The following MYOF variants were observed in gnomAD, a reference collection of about 807,000 sequenced individuals.
The protein encoded by MYOF is myoferlin, also known as fer-1-like 3, myoferlin.
MYOF carries 244 observed loss-of-function variants against 284.2 expected under a neutral mutation model. That is an observed-to-expected ratio of 0.86 (90% confidence interval 0.77 to 0.95). The LOEUF (loss-of-function observed/expected upper bound fraction) is 0.95, where lower values mean the gene tolerates loss of function less well. Among genes scored for constraint, MYOF ranks in the 40% least tolerant of loss-of-function variants. The pLI is 0.00. For synonymous variants in MYOF, 904 were observed against 919.7 expected (o/e 0.98, Z 0.31); for missense variants, 2,496 against 2,560.6 (o/e 0.97, Z 0.54).
At chr10:93,380,281 T>C (rs1846053381) in intron 20 of MYOF, among the ~76,000 whole-genome samples, 1 of 152,172 alleles carries the variant, frequency 6.6e-6, no homozygotes, top group Admixed American at 6.5e-5. Flanking sequence ...TTTCTTAACG[T>C]GGTAGTAGAA....
intron 3 of MYOF, among the ~76,000 whole-genome samples, chr10:93,436,877 G>A (rs1368721604): frequency 6.6e-6 from 1 of 152,164 alleles, no homozygotes; most frequent in Admixed American, 6.5e-5. Context: ...ATTATAGTGT[G>A]ACAGTGAGGG....
chr10:93,384,476 C>T (rs1015648187), intron 19 of MYOF, among the ~76,000 whole-genome samples: 43 of 152,098 alleles, frequency 2.8e-4, no homozygotes, highest in Non-Finnish European at 1.3e-4. Flanking sequence ...AACTCTATCT[C>T]TACTAAAAAT....
At position 93,325,838 on chromosome 10, in the gene MYOF, G is replaced by T. The variant is rs1303933740; in HGVS notation, c.5259C>A (p.Pro1753=). 6.2e-7 allele frequency: 1 copy of T among 1,612,992 alleles called. No homozygotes were observed. Among genetic ancestry groups the T allele is most frequent in the Admixed American group, 1.7e-5 (1 of 59,764 alleles). Residue 1753 remains proline (P), a synonymous_variant, in exon 46 of 54, where the codon CCC becomes CCA. Transcript: ENST00000359263. ...ETRTLHSTFQ[P]NISQGKLQMW... ...GAAGGCCCTTTACCTGGGAAATGTT[G>T]GGCTGGAAGGTGCTGTGCAAAGTCC...
Position 93,482,166 on chromosome 10 carries a change from C to T in MYOF, c.29G>A (p.Ser10Asn). MLRVIVESASNIPKTKFGKP... is the reference protein window; with the variant it reads MLRVIVESANNIPKTKFGKP... Reference sequence around the variant, plus strand: ...GCCAAATTTCGTTTTAGGGATATTGCTGGCAGATTCCACAATCACTCGCAG... The same window carrying T: ...GCCAAATTTCGTTTTAGGGATATTGTTGGCAGATTCCACAATCACTCGCAG... The change falls in exon 1 of 54, where the codon AGC becomes AAC. Residue 10 changes from serine to asparagine, a missense_variant. Ser to Asn is a conservative substitution (Grantham distance 46). This residue lies in a region of MYOF where 57 missense variants were observed against 62.4 expected (regional missense o/e 0.91). Transcript: ENST00000359263. The T allele has an allele frequency of 6.2e-7, 1 of 1,614,070 alleles. No homozygotes were observed. The highest frequency in any genetic ancestry group is 1.1e-5 in the South Asian group (1 of 91,080).
At chr10:93,401,957 G>A (rs898272653) in intron 11 of MYOF, among the ~76,000 whole-genome samples, 1 of 152,164 alleles carries the variant, frequency 6.6e-6, no homozygotes, top group Non-Finnish European at 1.5e-5. Context: ...ATGCTTTCTA[G>A]ATAAAAGCAG....
intron 40 of MYOF, among the ~76,000 whole-genome samples, chr10:93,337,323 A>T (rs1031691141): frequency 4.1e-4 from 62 of 152,094 alleles, no homozygotes; most frequent in African/African-American, 1.4e-3. Context: ...AGAGCTAGTC[A>T]GCCGTGCCTA....
chr10:93,422,485 C>T (rs752303907), intron 5 of MYOF, among the ~76,000 whole-genome samples: 3 of 152,138 alleles, frequency 2.0e-5, no homozygotes, highest in East Asian at 1.9e-4. Context: ...GGGATTTTCT[C>T]GCCAGCAGGT....
intron 1 of MYOF, among the ~76,000 whole-genome samples, chr10:93,457,898 A>T (rs1430769072): frequency 6.9e-6 from 1 of 144,792 alleles, no homozygotes; most frequent in Non-Finnish European, 1.5e-5. Context: ...ACACCCAGCT[A>T]ATTTTTCTAT....
rs565902143 is a variant in MYOF, at chr10:93,468,425, C to T, written c.89-11488G>A. Reference sequence around the variant, plus strand: ...CATGCCCAAGACACAGGGGACATTACCAGGTGTTGGAATCAGAACTATCAA... The same window carrying T: ...CATGCCCAAGACACAGGGGACATTATCAGGTGTTGGAATCAGAACTATCAA... On this transcript the variant is annotated intron_variant, in intron 1 of 53. Transcript: ENST00000359263. 2.0e-5 allele frequency among the ~76,000 whole-genome samples: 3 copies of T among 152,332 alleles called. No homozygotes were observed. The South Asian group carries it at 6.2e-4, about 32-fold the overall frequency.
chr10:93,464,714 C>T (rs77479147), intron 1 of MYOF, among the ~76,000 whole-genome samples: 1 of 152,090 alleles, frequency 6.6e-6, no homozygotes, highest in Non-Finnish European at 1.5e-5. Context: ...ATGATGTGCC[C>T]CCCAAGTCCT....
At chr10:93,458,658 A>T (rs2134335064) in intron 1 of MYOF, among the ~76,000 whole-genome samples, 1 of 152,284 alleles carries the variant, frequency 6.6e-6, no homozygotes, top group East Asian at 1.9e-4. Flanking sequence ...TGAACCCAGG[A>T]GGCAGAGGTT....
intron 29 of MYOF, among the ~76,000 whole-genome samples, chr10:93,359,273 A>T (rs1564647450): frequency 1.3e-5 from 2 of 152,220 alleles, no homozygotes; most frequent in Admixed American, 1.3e-4. Context: ...CAGAACATAG[A>T]TGATGCATAC....
chr10:93,437,400 C>G (rs766825820), intron 3 of MYOF, among the ~76,000 whole-genome samples: 3 of 152,060 alleles, frequency 2.0e-5, no homozygotes, highest in African/African-American at 2.4e-5. Flanking sequence ...AGGGCTTTGC[C>G]GGCTGACTCT....
At chr10:93,471,104 C>T (rs1025595526) in intron 1 of MYOF, among the ~76,000 whole-genome samples, 1 of 152,034 alleles carries the variant, frequency 6.6e-6, no homozygotes, top group Non-Finnish European at 1.5e-5. Flanking sequence ...AAGTGGACCT[C>T]GCCCTGCCAG....
chr10:93,402,869 C>A lies in MYOF; in HGVS notation c.865G>T (p.Asp289Tyr). ...GGAGAACATTACTTACCAGGTTCAT[C>A]ATAAACAAATCCAACATCAATCTGG... ...EFKIDVGFVY[D>Y]EPGHAVMRKW... The change falls in exon 10 of 54, where the codon GAT becomes TAT. Residue 289 changes from aspartate to tyrosine, a missense_variant. By Grantham distance (160) the Asp-to-Tyr change is radical. Transcript: ENST00000359263. 6.2e-7 allele frequency: 1 copy of A among 1,611,692 alleles called. No homozygotes were observed. The highest frequency in any genetic ancestry group is 8.5e-7 in the Non-Finnish European group (1 of 1,178,040).
At chr10:93,430,066 A>G (rs1055172771) in intron 4 of MYOF, among the ~76,000 whole-genome samples, 1 of 151,010 alleles carries the variant, frequency 6.6e-6, no homozygotes, top group African/African-American at 2.4e-5. Flanking sequence ...TCCCAAGTAG[A>G]TGGGACTACA....
chr10:93,402,900 C>G lies in MYOF; in HGVS notation c.844-10G>C, dbSNP rs540553708. ...CAAATCCAACATCAATCTGGGAAAA[C>G]AATAATCGAAAGTAGTCTAAGTAGA... On this transcript the variant is annotated splice_polypyrimidine_tract_variant and intron_variant, in intron 9 of 53. Coordinates refer to ENST00000359263, the MANE Select transcript of MYOF (RefSeq NM_013451.4). The G allele has an allele frequency of 6.9e-5, 111 of 1,609,482 alleles. No individual in the cohort carries two copies. The East Asian group carries it at 1.9e-3, about 28-fold the overall frequency.
At chr10:93,389,251 T>C (rs1846556034) in intron 17 of MYOF, 97 bp from the exon 18 acceptor site, 3 of 1,386,872 alleles carry the variant, frequency 2.2e-6, no homozygotes, top group Non-Finnish European at 2.8e-6. Context: ...ACTATTTTCC[T>C]CCATTTTGGG....
chr10:93,328,504 A>C (rs1843155319), intron 45 of MYOF, among the ~76,000 whole-genome samples: 1 of 152,252 alleles, frequency 6.6e-6, no homozygotes, highest in African/African-American at 2.4e-5. Flanking sequence ...CATGGAAATT[A>C]GTTCATTACT....
Sources: allele counts gnomAD v4.1 joint callset (sites outside exome capture counted in the v4.1 genomes callset), GRCh38; gene constraint gnomAD v4.1.1; regional missense constraint gnomAD v4.1.1; transcripts MANE v1.5; gene names NCBI Gene and HGNC (gene_info 2026-07-23, HGNC 2026-07-21).